SMAD2: variants seen among roughly 807,000 people sequenced by gnomAD.
SMAD2 encodes MAD homolog 2.
SMAD2 carries 8 observed loss-of-function variants against 64.4 expected under a neutral mutation model. The ratio of observed to expected loss-of-function variants is 0.12; its 90% confidence interval spans 0.07 to 0.22. The LOEUF (loss-of-function observed/expected upper bound fraction) is 0.22, where lower values mean the gene tolerates loss of function less well. Among genes scored for constraint, SMAD2 ranks in the 10% least tolerant of loss-of-function variants. The pLI, the probability that SMAD2 is intolerant of heterozygous loss-of-function variation, is 1.00. For missense variants in SMAD2, 289 were observed against 561.2 expected, an observed-to-expected ratio of 0.51 and a Z score of 4.90; for synonymous variants, 203 against 195.8, an observed-to-expected ratio of 1.04 and a Z score of -0.31.
intron 6 of SMAD2, among the ~76,000 whole-genome samples, chr18:47,852,039 A>T (rs2030150697): frequency 6.6e-6 from 1 of 152,182 alleles, no homozygotes; most frequent in Non-Finnish European, 1.5e-5. Context: ...TATTGCTTCT[A>T]GATGAAAACA....
In SMAD2 at chr18:47,811,433, G is replaced by T. The variant is rs1174529826; in HGVS notation, c.*30394C>A. 7.2e-6 allele frequency: 1 copy of T among 139,596 alleles called. No individual in the cohort carries two copies. The highest frequency in any genetic ancestry group is 1.5e-5 in the Non-Finnish European group (1 of 66,416). The allele number at this position is 139,596 out of a possible 1,614,324, so 8.6% of individuals were successfully genotyped here. ...TGCAGTGAGCTGAGATTGTGCCACT[G>T]CACTCCAGCCTGGGCGACAGAGCGA... On this transcript the variant is annotated 3_prime_UTR_variant, in exon 11 of 11. Transcript: ENST00000262160.
At chr18:47,887,372 G>T (rs770667291) in intron 2 of SMAD2, among the ~76,000 whole-genome samples, 14 of 152,152 alleles carry the variant, frequency 9.2e-5, no homozygotes, top group Non-Finnish European at 1.8e-4. Flanking sequence ...CAGGAAGAGG[G>T]AGTCTGAGAG....
At chr18:47,848,711 AT>A (rs1444054980) in intron 7 of SMAD2, 24 bp from the exon 8 acceptor site, 31 of 1,513,574 alleles carry the variant, frequency 2.0e-5, no homozygotes, top group Non-Finnish European at 2.5e-5. Flanking sequence ...AAATAAAAAA[AT>A]AATAAAAGGA....
intron 2 of SMAD2, among the ~76,000 whole-genome samples, chr18:47,889,991 G>A (rs997268697): frequency 6.6e-6 from 1 of 152,010 alleles, no homozygotes; most frequent in African/African-American, 2.4e-5. Flanking sequence ...TTTTATAAAG[G>A]GACAAAGGTC....
rs1472672106 is a variant in SMAD2, at chr18:47,835,652, T to C, written c.*6175A>G. On this transcript the variant is annotated 3_prime_UTR_variant, in exon 11 of 11. Coordinates refer to ENST00000262160, the MANE Select transcript of SMAD2 (RefSeq NM_005901.6). The stretch of plus-strand genomic sequence containing the variant: ...AGAACCAGAAATATGGCAAGTTACC[T>C]AGTGATTAACATTGTAAAATAGTCA... 1 of 193,252 alleles carries C rather than the reference T, an allele frequency of 5.2e-6. No individual in the cohort carries two copies. The highest frequency in any genetic ancestry group is 2.3e-5 in the African/African-American group (1 of 43,132). The allele number at this position is 193,252 out of a possible 1,614,324, so 12.0% of individuals were successfully genotyped here.
At chr18:47,877,252 A>C (rs539390325) in intron 2 of SMAD2, among the ~76,000 whole-genome samples, 2 of 152,114 alleles carry the variant, frequency 1.3e-5, no homozygotes, top group African/African-American at 4.8e-5. Flanking sequence ...CAGTAAAATT[A>C]GTCAATTAGC....
Position 47,830,490 on chromosome 18 carries a change from T to C in SMAD2, c.*11337A>G, listed in dbSNP as rs577101580. 2.0e-5 allele frequency: 3 copies of C among 147,216 alleles called. No homozygotes were observed. In the South Asian group the frequency reaches 6.4e-4, roughly 31 times the overall value. 9.1% of individuals were successfully genotyped at this position (147,216 alleles called of 1,614,324 possible). A position where few individuals can be genotyped will look rare whatever the true frequency, so the allele number is the denominator to read the frequency against. ...TACTCAGGAGGCTAAGGCAGGAGAA[T>C]CACTTGAACCCAGGAGGCGAGGCTG... On this transcript the variant is annotated 3_prime_UTR_variant, in exon 11 of 11. Transcript: ENST00000262160.
At chr18:47,918,837 A>T (rs2144535377) in intron 1 of SMAD2, among the ~76,000 whole-genome samples, 1 of 152,318 alleles carries the variant, frequency 6.6e-6, no homozygotes, top group African/African-American at 2.4e-5. Flanking sequence ...GAAACAGTAG[A>T]GAAAATGAAA....
At chr18:47,916,587 T>C (rs558278522) in intron 1 of SMAD2, among the ~76,000 whole-genome samples, 5 of 152,206 alleles carry the variant, frequency 3.3e-5, no homozygotes, top group South Asian at 4.1e-4. Flanking sequence ...GTATTTTTGA[T>C]AGAGATAGGG....
intron 2 of SMAD2, among the ~76,000 whole-genome samples, chr18:47,883,232 G>A (rs958023751): frequency 6.6e-5 from 10 of 152,086 alleles, no homozygotes; most frequent in Non-Finnish European, 1.5e-4. Flanking sequence ...AATTTGGTTT[G>A]AAATATATTT....
At chr18:47,887,182 A>C (rs16958590) in intron 2 of SMAD2, among the ~76,000 whole-genome samples, 8,589 of 152,236 alleles carry the variant, frequency 0.056, 628 homozygotes, top group East Asian at 0.21. Context: ...ACAAAATCCC[A>C]AAAAGATTTC....
chr18:47,853,051 G>A (rs1019852675), intron 6 of SMAD2, among the ~76,000 whole-genome samples: 1 of 152,078 alleles, frequency 6.6e-6, no homozygotes, highest in Non-Finnish European at 1.5e-5. Context: ...GATAGGTCAG[G>A]CTGGGCATGG....
rs1912697324 is a variant in SMAD2, at chr18:47,825,001, A to G, written c.*16826T>C. ...CATACAAATAAAGACTGGAAAAAAT[A>G]TACACCAGTCGTTTTCTCTGGTTGT... On this transcript the variant is annotated 3_prime_UTR_variant, in exon 11 of 11. Coordinates refer to ENST00000262160, the MANE Select transcript of SMAD2 (RefSeq NM_005901.6). The G allele has an allele frequency of 6.6e-6, 1 of 152,234 alleles. No individual in the cohort carries two copies. The highest frequency in any genetic ancestry group is 2.4e-5 in the African/African-American group (1 of 41,466). 9.4% of individuals were successfully genotyped at this position (152,234 alleles called of 1,614,324 possible).
At chr18:47,842,095 G>C in intron 10 of SMAD2, 145 bp from the exon 11 acceptor site, 1 of 831,412 alleles carries the variant, frequency 1.2e-6, no homozygotes, top group Non-Finnish European at 2.0e-6. Context: ...CCGCAAAATG[G>C]TTGATCCTCA....
At chr18:47,864,883 A>G (rs1317459928) in intron 6 of SMAD2, among the ~76,000 whole-genome samples, 176 bp downstream of exon 6, 1 of 152,206 alleles carries the variant, frequency 6.6e-6, no homozygotes, top group Non-Finnish European at 1.5e-5. Context: ...ATAATTTTTC[A>G]GTGACAACAT....
intron 6 of SMAD2, among the ~76,000 whole-genome samples, chr18:47,860,469 G>C (rs2031090373): frequency 6.6e-6 from 1 of 151,676 alleles, no homozygotes. Context: ...TTTTTGTAGA[G>C]ACGGGGTCTT....
chr18:47,832,814 T>A lies in SMAD2; in HGVS notation c.*9013A>T, dbSNP rs1240985748. 1 of 152,390 alleles carries A rather than the reference T, an allele frequency of 6.6e-6. No individual in the cohort carries two copies. Among genetic ancestry groups the A allele is most frequent in the African/African-American group, 2.4e-5 (1 of 41,428 alleles). 9.4% of individuals were successfully genotyped at this position (152,390 alleles called of 1,614,324 possible). A position where few individuals can be genotyped will look rare whatever the true frequency, so the allele number is the denominator to read the frequency against. Reference sequence around the variant, plus strand: ...TAGCATAGGCAAACTCTGAAATAAATAAAAATGTATAAATAGCACTGTGCA... The same window carrying A: ...TAGCATAGGCAAACTCTGAAATAAAAAAAAATGTATAAATAGCACTGTGCA... On this transcript the variant is annotated 3_prime_UTR_variant, in exon 11 of 11. Coordinates refer to ENST00000262160, the MANE Select transcript of SMAD2 (RefSeq NM_005901.6).
At position 47,827,555 on chromosome 18, in the gene SMAD2, C is replaced by T. The variant is rs1912799647; in HGVS notation, c.*14272G>A. On this transcript the variant is annotated 3_prime_UTR_variant, in exon 11 of 11. Coordinates refer to ENST00000262160, the MANE Select transcript of SMAD2 (RefSeq NM_005901.6). ...AGCCAAGGCTGGACTGTACTGCCGC[C>T]ATCTCGGCTCACTGCAACCTCCCTG... is the stretch of plus-strand genomic sequence containing the variant. 6.5e-6 allele frequency: 1 copy of T among 153,078 alleles called. No homozygotes were observed. Among genetic ancestry groups the T allele is most frequent in the South Asian group, 2.0e-4 (1 of 4,890 alleles). The allele number at this position is 153,078 out of a possible 1,614,324, so 9.5% of individuals were successfully genotyped here.
intron 1 of SMAD2, among the ~76,000 whole-genome samples, chr18:47,925,879 T>C (rs954807807): frequency 2.0e-5 from 3 of 152,210 alleles, no homozygotes; most frequent in Non-Finnish European, 4.4e-5. Flanking sequence ...AGAAGTCACA[T>C]GACAAGAGTC....
Sources: allele counts gnomAD v4.1 joint callset (sites outside exome capture counted in the v4.1 genomes callset), GRCh38; gene constraint gnomAD v4.1.1; transcripts MANE v1.5; gene names NCBI Gene and HGNC (gene_info 2026-07-23, HGNC 2026-07-21).